PTBP3: variants seen among roughly 807,000 people sequenced by gnomAD.
PTBP3 encodes polypyrimidine tract-binding protein 3.
A neutral mutation model predicts 58.7 loss-of-function variants in PTBP3; 20 were observed. That is an observed-to-expected ratio of 0.34 (90% CI 0.24 to 0.50). The LOEUF is 0.50. Among genes scored for constraint, PTBP3 ranks in the 20% least tolerant of loss-of-function variants. PTBP3 has a pLI of 0.98. For synonymous variants in PTBP3, 185 were observed against 219.8 expected, an observed-to-expected ratio of 0.84 and a Z score of 1.40; for missense variants, 509 against 637.2, an observed-to-expected ratio of 0.80 and a Z score of 2.17.
intron 9 of PTBP3, 64 bp downstream of exon 9, chr9:112,232,033 GAA>G (rs1835261722): frequency 8.0e-7 from 1 of 1,254,188 alleles, no homozygotes; most frequent in Non-Finnish European, 1.1e-6. Context: ...AGAAAAGAAA[GAA>G]AGAAAAAAGT....
At position 112,219,974 on chromosome 9, in the gene PTBP3, A is replaced by C. The variant is rs528998637; in HGVS notation, c.*3877T>G. The C allele has an allele frequency of 4.5e-5, 30 of 661,788 alleles. No homozygotes were observed. The African/African-American group carries it at 5.9e-4, about 13-fold the overall frequency. The allele number at this position is 661,788 out of a possible 1,614,324, so 41.0% of individuals were successfully genotyped here. A position where few individuals can be genotyped will look rare whatever the true frequency, so the allele number is the denominator to read the frequency against. Reference sequence around the variant, plus strand: ...TGAGTTATATTTTCAAATTTTGTGCAATCTAAATTGTATTTCTTTCAGCAC... The same window carrying C: ...TGAGTTATATTTTCAAATTTTGTGCCATCTAAATTGTATTTCTTTCAGCAC... On this transcript the variant is annotated 3_prime_UTR_variant, in exon 14 of 14. Transcript: ENST00000374257.
At chr9:112,298,447 TCAGG>T in intron 1 of PTBP3, 1 of 381,660 alleles carries the variant, frequency 2.6e-6, no homozygotes, top group African/African-American at 2.1e-5. Flanking sequence ...ACTCTTTTTT[TCAGG>T]TAAGAGTTTT....
In PTBP3 at chr9:112,333,570, G is replaced by T; in HGVS notation, c.-152C>A. ...GGCAGCAGGGCGGTTCCGGGGACAA[G>T]CGAGCTTTGGCTCTGCGGAGCCCCG... On this transcript the variant is annotated 5_prime_UTR_variant, in exon 1 of 14. Transcript: ENST00000374257. 1 of 1,461,406 alleles carries T rather than the reference G, an allele frequency of 6.8e-7. No individual in the cohort carries two copies. Among genetic ancestry groups the T allele is most frequent in the South Asian group, 1.2e-5 (1 of 83,200 alleles). 90.5% of individuals were successfully genotyped at this position (1,461,406 alleles called of 1,614,324 possible). A position where few individuals can be genotyped will look rare whatever the true frequency, so the allele number is the denominator to read the frequency against.
chr9:112,261,470 A>G (rs1198847330), intron 5 of PTBP3, among the ~76,000 whole-genome samples: 1 of 152,204 alleles, frequency 6.6e-6, no homozygotes, highest in Non-Finnish European at 1.5e-5. Flanking sequence ...AGTAAGATGT[A>G]TTTCAATTCT....
At chr9:112,305,497 T>C (rs1333000489) in intron 1 of PTBP3, among the ~76,000 whole-genome samples, 2 of 152,144 alleles carry the variant, frequency 1.3e-5, no homozygotes, top group African/African-American at 4.8e-5. Flanking sequence ...CCCTGGTTGA[T>C]AATACTCCTT....
At chr9:112,289,086 T>G (rs927947429) in intron 2 of PTBP3, among the ~76,000 whole-genome samples, 9 of 152,230 alleles carry the variant, frequency 5.9e-5, no homozygotes, top group Non-Finnish European at 1.0e-4. Flanking sequence ...AGTAGCTAGG[T>G]GTGGCTGTGA....
intron 8 of PTBP3, among the ~76,000 whole-genome samples, chr9:112,234,187 T>G (rs1835358625): frequency 6.6e-6 from 1 of 152,238 alleles, no homozygotes; most frequent in African/African-American, 2.4e-5. Context: ...CCTTAAATTA[T>G]AATCAAATTC....
chr9:112,244,288 T>TAAA (rs1439248076), intron 7 of PTBP3, among the ~76,000 whole-genome samples: 1 of 5,866 alleles, frequency 1.7e-4, no homozygotes, highest in Non-Finnish European at 2.8e-4. Context: ...AGACTCTGTC[T>TAAA]CAAAAAAAAA....
Position 112,220,967 on chromosome 9 carries a change from A to G in PTBP3, c.*2884T>C. 2 of 966,098 alleles carry G rather than the reference A, an allele frequency of 2.1e-6. No homozygotes were observed. The highest frequency in any genetic ancestry group is 3.5e-5 in the African/African-American group (2 of 56,872). The allele number at this position is 966,098 out of a possible 1,614,324, so 59.8% of individuals were successfully genotyped here. A position where few individuals can be genotyped will look rare whatever the true frequency, so the allele number is the denominator to read the frequency against. On this transcript the variant is annotated 3_prime_UTR_variant, in exon 14 of 14. Transcript: ENST00000374257. ...TAAATGCATGCCAAAACAGAGATAC[A>G]CAGATCTAGTTTTTCCACCATCCTG... is the stretch of plus-strand genomic sequence containing the variant.
intron 1 of PTBP3, chr9:112,332,875 A>G: frequency 2.5e-6 from 4 of 1,609,456 alleles, no homozygotes; most frequent in Non-Finnish European, 3.4e-6. Context: ...GGTGTCGAGA[A>G]AGCGTTAACG....
At chr9:112,323,944 A>G (rs968265186) in intron 1 of PTBP3, among the ~76,000 whole-genome samples, 4 of 152,186 alleles carry the variant, frequency 2.6e-5, no homozygotes, top group African/African-American at 9.7e-5. Context: ...CAGGATAAAC[A>G]CTAAAAAATC....
At chr9:112,256,284 TATATATATACATATATATATATA>T (rs1836352084) in intron 5 of PTBP3, among the ~76,000 whole-genome samples, 1 of 58,910 alleles carries the variant, frequency 1.7e-5, no homozygotes, top group African/African-American at 1.6e-4. Context: ...TATATATATA[TATATATATACATATATATATATA>T]TATTTATCTA....
rs772253373 is a variant in PTBP3 at position 112,297,781 on chromosome 9, AC to A, written c.34+50del. ...AGCAAAATAAGAGCATTGTAAAAAAACAATTTGAAACCCACAGAAATCAAAT... is the reference window on the plus strand; with the variant it reads ...AGCAAAATAAGAGCATTGTAAAAAAAAATTTGAAACCCACAGAAATCAAAT... On this transcript the variant is annotated intron_variant, in intron 2 of 13. Transcript: ENST00000374257. 155 of 1,412,236 alleles carry A rather than the reference AC, an allele frequency of 1.1e-4. 1 individual carries two copies. Among genetic ancestry groups the A allele is most frequent in the Non-Finnish European group, 1.5e-4 (151 of 1,035,462 alleles). The allele number at this position is 1,412,236 out of a possible 1,614,324, so 87.5% of individuals were successfully genotyped here.
At chr9:112,323,120 C>T (rs1457929493) in intron 1 of PTBP3, among the ~76,000 whole-genome samples, 1 of 152,174 alleles carries the variant, frequency 6.6e-6, no homozygotes, top group Non-Finnish European at 1.5e-5. Flanking sequence ...GGCATGGTGC[C>T]ATGTCTGTGT....
the PTBP3 span, among the ~76,000 whole-genome samples, chr9:112,347,134 T>C: frequency 6.6e-6 from 1 of 152,198 alleles, no homozygotes; most frequent in Non-Finnish European, 1.5e-5. Context: ...AATAGCCTAA[T>C]GCTATATATA....
chr9:112,302,148 C>G (rs1185951416), intron 1 of PTBP3, among the ~76,000 whole-genome samples: 1 of 151,902 alleles, frequency 6.6e-6, no homozygotes, highest in Non-Finnish European at 1.5e-5. Context: ...TAACATATAC[C>G]AGAAACTACA....
chr9:112,333,268 A>T (rs1443402142), intron 1 of PTBP3, among the ~76,000 whole-genome samples: 2 of 151,910 alleles, frequency 1.3e-5, no homozygotes, highest in Non-Finnish European at 1.5e-5. Flanking sequence ...TGGGGAAAGG[A>T]GAGCCTGCGG....
At chr9:112,237,947 A>G (rs1365181930) in intron 7 of PTBP3, among the ~76,000 whole-genome samples, 1 of 152,220 alleles carries the variant, frequency 6.6e-6, no homozygotes, top group Admixed American at 6.5e-5. Context: ...GTCCAAAGGA[A>G]AATCAAGCTA....
the PTBP3 span, chr9:112,363,000 T>G: frequency 4.3e-6 from 1 of 230,230 alleles, no homozygotes; most frequent in South Asian, 6.1e-5. Flanking sequence ...CTTACTGTCC[T>G]GAGATAGCTC....
Sources: allele counts gnomAD v4.1 joint callset (sites outside exome capture counted in the v4.1 genomes callset), GRCh38; gene constraint gnomAD v4.1.1; transcripts MANE v1.5; gene names NCBI Gene and HGNC (gene_info 2026-07-23, HGNC 2026-07-21).